Variants in SRSF7 observed in about 807,000 individuals in gnomAD.
SRSF7 encodes serine/arginine-rich splicing factor 7.
A neutral mutation model predicts 42.2 loss-of-function variants in SRSF7; 15 were observed. The ratio of observed to expected loss-of-function variants is 0.36; its 90% CI spans 0.24 to 0.55. The LOEUF is 0.55. SRSF7 is among the 20% of genes least tolerant of loss of function. The pLI, the probability that SRSF7 is intolerant of heterozygous loss-of-function variation, is 0.88. For synonymous variants in SRSF7, 138 were observed against 107.9 expected (o/e 1.28, Z -1.73); for missense variants, 181 against 305.9 (o/e 0.59, Z 3.04).
chr2:38,746,946 T>C (rs1324671878), intron 5 of SRSF7, 199 bp from the exon 6 acceptor site: 6 of 838,454 alleles, frequency 7.2e-6, no homozygotes, highest in Non-Finnish European at 1.1e-5. Context: ...TACTTGTTTC[T>C]ATCACTCAAT....
At chr2:38,750,243 C>T (rs1268477513) in intron 1 of SRSF7, 49 bp from the exon 2 acceptor site, 9 of 1,542,900 alleles carry the variant, frequency 5.8e-6, no homozygotes, top group Middle Eastern at 3.5e-4. Flanking sequence ...AAATCTGGCC[C>T]AAGTTTCAAT....
At chr2:38,746,013 C>A (rs1572559677) in intron 7 of SRSF7, 131 bp downstream of exon 7, 1 of 816,926 alleles carries the variant, frequency 1.2e-6, no homozygotes, top group Non-Finnish European at 1.9e-6. Flanking sequence ...ATTTCAGAAA[C>A]TTAGCATAGT....
At chr2:38,748,217 CTT>C in intron 4 of SRSF7, 60 bp from the exon 5 acceptor site, 1 of 1,314,636 alleles carries the variant, frequency 7.6e-7, no homozygotes, top group East Asian at 2.4e-5. Context: ...CCTGTTAAGA[CTT>C]CAACTGGGGA....
chr2:38,751,374 G>T, upstream of SRSF7: 1 of 1,425,636 alleles, frequency 7.0e-7, no homozygotes, highest in Non-Finnish European at 9.8e-7. Context: ...GGAAGAGCCC[G>T]GGTTCGCGTT....
Position 38,751,354 on chromosome 2 carries a change from G to T in SRSF7, c.-98C>A. Reference sequence around the variant, plus strand: ...ACCTTCACCCGCCAAGAGTCCCGGCGGCACTACGAGGAAGAGCCCGGGTTC... The same window carrying T: ...ACCTTCACCCGCCAAGAGTCCCGGCTGCACTACGAGGAAGAGCCCGGGTTC... On this transcript the variant is annotated 5_prime_UTR_variant, in exon 1 of 8. Coordinates refer to ENST00000313117, the MANE Select transcript of SRSF7 (RefSeq NM_001031684.3). 7.1e-6 allele frequency: 11 copies of T among 1,552,272 alleles called. No individual in the cohort carries two copies. The highest frequency in any genetic ancestry group is 1.4e-5 in the African/African-American group (1 of 73,762).
chr2:38,744,828 A>G lies in SRSF7; in HGVS notation c.*305T>C. On this transcript the variant is annotated 3_prime_UTR_variant, in exon 8 of 8. Coordinates refer to ENST00000313117, the MANE Select transcript of SRSF7 (RefSeq NM_001031684.3). ...TAGGTATGTATGAATAAGGTTAACAATTATAATGTCTGACTCTCAAATATA... is the reference window on the plus strand; with the variant it reads ...TAGGTATGTATGAATAAGGTTAACAGTTATAATGTCTGACTCTCAAATATA... 3.3e-6 allele frequency: 1 copy of G among 302,264 alleles called. No homozygotes were observed. Among genetic ancestry groups the G allele is most frequent in the East Asian group, 6.7e-5 (1 of 14,912 alleles). 18.7% of individuals were successfully genotyped at this position (302,264 alleles called of 1,614,324 possible).
intron 7 of SRSF7, 89 bp downstream of exon 7, chr2:38,746,055 G>A (rs1487551888): frequency 7.5e-7 from 1 of 1,338,704 alleles, no homozygotes; most frequent in Non-Finnish European, 1.1e-6. Flanking sequence ...ATTCTCCAAA[G>A]AGCTCAAAGA....
chr2:38,748,434 AGT>A (rs1667805241), intron 4 of SRSF7, 143 bp downstream of exon 4: 6 of 802,014 alleles, frequency 7.5e-6, no homozygotes, highest in Non-Finnish European at 1.3e-5. Context: ...TCAAGGCAGC[AGT>A]GAGTCGTGGT....
chr2:38,749,113 G>A, intron 3 of SRSF7: 1 of 1,316,216 alleles, frequency 7.6e-7, no homozygotes, highest in Non-Finnish European at 1.0e-6. Flanking sequence ...TAAACCGGAG[G>A]GGGGCCCCAA....
intron 5 of SRSF7, among the ~76,000 whole-genome samples, chr2:38,747,526 TAA>T (rs1667643030): frequency 6.6e-6 from 1 of 152,166 alleles, no homozygotes; most frequent in Non-Finnish European, 1.5e-5. Context: ...CTACAAATAG[TAA>T]AGCTCTGGTT....
Position 38,751,249 on chromosome 2 carries a change from C to T in SRSF7, c.8G>A (p.Arg3His). The T allele has an allele frequency of 6.2e-7, 1 of 1,614,182 alleles. No homozygotes were observed. Among genetic ancestry groups the T allele is most frequent in the Non-Finnish European group, 8.5e-7 (1 of 1,180,008 alleles). The change falls in exon 1 of 8, where the codon CGT (arginine) becomes CAT (histidine). Residue 3 changes from arginine (R) to histidine (H), a missense_variant. This residue lies in a region of SRSF7 where 45 missense variants were observed against 158.1 expected (regional missense o/e 0.28). Transcript: ENST00000313117. ...CTTACCTCCTCCGTACCGCCCGTAA[C>T]GCGACATGATGACAGACCCGCGTGC... MSRYGRYGGETKV... is the reference protein window; with the variant it reads MSHYGRYGGETKV...
At chr2:38,750,722 T>G (rs374792291) in intron 1 of SRSF7, 9 of 159,636 alleles carry the variant, frequency 5.6e-5, no homozygotes, top group African/African-American at 1.2e-4. Flanking sequence ...AGTCGCAGAT[T>G]ACGTCCCCAT....
Position 38,743,905 on chromosome 2 carries a change from T to TC in SRSF7, c.*1227_*1228insG. On this transcript the variant is annotated 3_prime_UTR_variant, in exon 8 of 8. Coordinates refer to ENST00000313117, the MANE Select transcript of SRSF7 (RefSeq NM_001031684.3). Reference sequence around the variant, plus strand: ...TATCTGCGCAACCAGCAGGTTTTTTTTTTTTTGTACCAAGGCTAGAGAATG... The same window carrying TC: ...TATCTGCGCAACCAGCAGGTTTTTTTCTTTTTTGTACCAAGGCTAGAGAATG... The TC allele has an allele frequency of 6.6e-6, 1 of 151,964 alleles. No homozygotes were observed. Among genetic ancestry groups the TC allele is most frequent in the Non-Finnish European group, 1.5e-5 (1 of 68,004 alleles). The allele number at this position is 151,964 out of a possible 1,614,324, so 9.4% of individuals were successfully genotyped here. A position where few individuals can be genotyped will look rare whatever the true frequency, so the allele number is the denominator to read the frequency against.
At chr2:38,751,195 C>A (rs1322934494) in intron 1 of SRSF7, 34 bp downstream of exon 1, 1 of 1,613,830 alleles carries the variant, frequency 6.2e-7, no homozygotes, top group African/African-American at 1.3e-5. Flanking sequence ...ACTACACCCA[C>A]ACCAACGTCC....
intron 1 of SRSF7, 122 bp downstream of exon 1, chr2:38,751,107 G>A: frequency 1.5e-6 from 2 of 1,333,768 alleles, no homozygotes; most frequent in Non-Finnish European, 2.2e-6. Flanking sequence ...TTCGTCTGGC[G>A]TGCTCCTAAG....
At chr2:38,747,081 C>G (rs531203196) in intron 5 of SRSF7, 6 of 493,916 alleles carry the variant, frequency 1.2e-5, no homozygotes, top group South Asian at 9.3e-5. Flanking sequence ...GGCACAGATC[C>G]CTCAGCTGGG....
At chr2:38,747,958 A>G (rs192192640) in intron 5 of SRSF7, 89 bp downstream of exon 5, 3 of 868,284 alleles carry the variant, frequency 3.5e-6, no homozygotes, top group East Asian at 5.2e-5. Context: ...TATTCCCTGA[A>G]GCAATCCATT....
At chr2:38,750,925 G>A (rs111962059) in intron 1 of SRSF7, 5 of 383,990 alleles carry the variant, frequency 1.3e-5, no homozygotes, top group South Asian at 1.1e-4. Flanking sequence ...GCCGAGGGCG[G>A]GGGGGGAGGG....
Position 38,743,729 on chromosome 2 carries a change from A to C in SRSF7, c.*1404T>G. The C allele has an allele frequency of 6.6e-6, 1 of 152,658 alleles. No homozygotes were observed. The highest frequency in any genetic ancestry group is 2.4e-5 in the African/African-American group (1 of 41,456). The allele number at this position is 152,658 out of a possible 1,614,324, so 9.5% of individuals were successfully genotyped here. ...ATACACATAACTTTATACCAACCATAATTCAGCCAGTCAAAATTCCAAAAA... is the reference window on the plus strand; with the variant it reads ...ATACACATAACTTTATACCAACCATCATTCAGCCAGTCAAAATTCCAAAAA... On this transcript the variant is annotated 3_prime_UTR_variant, in exon 8 of 8. Transcript: ENST00000313117.
Sources: gnomAD v4.1 joint callset for allele counts (sites outside exome capture counted in the v4.1 genomes callset) on GRCh38, gnomAD v4.1.1 for gene constraint, gnomAD v4.1.1 regional missense constraint, MANE v1.5 for transcripts, NCBI Gene and HGNC (gene_info 2026-07-23, HGNC 2026-07-21) for gene names.